The following RGS6 variants were observed in gnomAD, a reference collection of about 807,000 sequenced individuals.
RGS6 encodes regulator of G protein signaling 6.
A neutral mutation model predicts 78.5 loss-of-function variants in RGS6; 30 were observed. The ratio of observed to expected loss-of-function variants is 0.38; its 90% confidence interval spans 0.29 to 0.52. The LOEUF is 0.52. Ranked by LOEUF, RGS6 falls within the 20% of genes least tolerant of loss-of-function variation. RGS6 has a pLI of 0.85. For synonymous variants in RGS6, 206 were observed against 206.0 expected (o/e 1.00, Z 0.00); for missense variants, 495 against 609.7 (o/e 0.81, Z 1.98).
chr14:72,612,993 CGTGTGTGT>C, the RGS6 span, among the ~76,000 whole-genome samples: 578 of 148,782 alleles, frequency 3.9e-3, 1 homozygote, highest in East Asian at 7.1e-3. Flanking sequence ...TTAAGTAGGG[CGTGTGTGT>C]GTGTGTGTGT....
At chr14:72,114,429 A>G (rs967511796) in intron 2 of RGS6, among the ~76,000 whole-genome samples, 1 of 152,146 alleles carries the variant, frequency 6.6e-6, no homozygotes, top group African/African-American at 2.4e-5. Context: ...ATGGTAGTTG[A>G]TAATTTCTGA....
chr14:72,000,736 G>A (rs1267576414), intron 2 of RGS6, among the ~76,000 whole-genome samples: 1 of 152,160 alleles, frequency 6.6e-6, no homozygotes, highest in Non-Finnish European at 1.5e-5. Flanking sequence ...CAGGAATGTT[G>A]CATGCCACAG....
At chr14:72,263,792 A>G (rs929358535) in intron 2 of RGS6, among the ~76,000 whole-genome samples, 3 of 152,188 alleles carry the variant, frequency 2.0e-5, no homozygotes, top group African/African-American at 7.2e-5. Flanking sequence ...ACTGTGAGAA[A>G]CGAATGTCTG....
chr14:72,498,737 A>G (rs1447350870), intron 13 of RGS6, among the ~76,000 whole-genome samples: 2 of 152,056 alleles, frequency 1.3e-5, no homozygotes, highest in African/African-American at 4.8e-5. Flanking sequence ...ATACACGCAT[A>G]CTGGGGTGGC....
intron 2 of RGS6, among the ~76,000 whole-genome samples, chr14:72,185,738 G>A (rs1262876793): frequency 6.6e-6 from 1 of 152,176 alleles, no homozygotes; most frequent in Non-Finnish European, 1.5e-5. Flanking sequence ...GAGCCCAGGA[G>A]TTCCAAACCA....
intron 12 of RGS6, among the ~76,000 whole-genome samples, chr14:72,487,657 G>A (rs935792366): frequency 5.9e-5 from 9 of 152,170 alleles, no homozygotes; most frequent in African/African-American, 1.9e-4. Context: ...AGGAATGCAG[G>A]GAGCCTCTAG....
At chr14:72,539,103 G>A (rs1379734161) in intron 16 of RGS6, among the ~76,000 whole-genome samples, 3 of 152,132 alleles carry the variant, frequency 2.0e-5, no homozygotes, top group African/African-American at 4.8e-5. Context: ...CTACTCTCCC[G>A]GAACCCCTGC....
At chr14:71,955,318 C>A (rs1370044280) in intron 1 of RGS6, among the ~76,000 whole-genome samples, 1 of 152,068 alleles carries the variant, frequency 6.6e-6, no homozygotes, top group Admixed American at 6.6e-5. Flanking sequence ...GAATAACTTC[C>A]CTTTGGTAAA....
intron 2 of RGS6, among the ~76,000 whole-genome samples, chr14:71,991,527 T>A (rs1245989349): frequency 2.6e-5 from 4 of 152,030 alleles, no homozygotes; most frequent in Admixed American, 6.5e-5. Context: ...TCTTTTATAT[T>A]TTTTTTCTTG....
the RGS6 span, among the ~76,000 whole-genome samples, chr14:72,572,853 AAAAG>A: frequency 1.3e-5 from 2 of 152,274 alleles, no homozygotes; most frequent in East Asian, 1.9e-4. Flanking sequence ...AAAACAGAAA[AAAAG>A]AAAGAGAAGG....
chr14:72,483,781 T>C (rs1360248486), intron 12 of RGS6, among the ~76,000 whole-genome samples: 2 of 152,276 alleles, frequency 1.3e-5, no homozygotes, highest in East Asian at 3.9e-4. Flanking sequence ...ATATGGAATC[T>C]GTAGCATGTG....
intron 2 of RGS6, among the ~76,000 whole-genome samples, chr14:72,182,112 G>C (rs2097180278): frequency 6.6e-6 from 1 of 151,926 alleles, no homozygotes; most frequent in Admixed American, 6.6e-5. Flanking sequence ...CTTTTCTTTA[G>C]AAAATGTATA....
chr14:72,170,533 AAAG>A (rs1197060059), intron 2 of RGS6, among the ~76,000 whole-genome samples: 1 of 152,234 alleles, frequency 6.6e-6, no homozygotes, highest in African/African-American at 2.4e-5. Context: ...AGCCCAATTA[AAAG>A]AAGATACAGA....
chr14:72,385,352 G>A (rs1300705631), intron 3 of RGS6, among the ~76,000 whole-genome samples: 1 of 152,156 alleles, frequency 6.6e-6, no homozygotes, highest in Non-Finnish European at 1.5e-5. Flanking sequence ...ACACAAGGAA[G>A]AAAAGTTTTT....
chr14:72,574,097 C>T, the RGS6 span, among the ~76,000 whole-genome samples: 1 of 152,236 alleles, frequency 6.6e-6, no homozygotes, highest in Non-Finnish European at 1.5e-5. Flanking sequence ...CCCACACACA[C>T]ATACAACATC....
chr14:72,036,760 C>G (rs1483379175), intron 2 of RGS6, among the ~76,000 whole-genome samples: 1 of 152,054 alleles, frequency 6.6e-6, no homozygotes, highest in East Asian at 1.9e-4. Context: ...AATATTTTCT[C>G]CCAGTCTGTA....
the RGS6 span, among the ~76,000 whole-genome samples, chr14:72,583,572 C>G: frequency 2.6e-5 from 4 of 152,184 alleles, no homozygotes; most frequent in Non-Finnish European, 5.9e-5. Context: ...GTCTTCTGAG[C>G]TGGTGTTTGC....
chr14:72,413,709 G>T (rs977514153), intron 3 of RGS6, among the ~76,000 whole-genome samples: 2 of 152,192 alleles, frequency 1.3e-5, no homozygotes, highest in African/African-American at 2.4e-5. Context: ...TGGTACTGCG[G>T]TTGTTCCTTT....
chr14:72,219,749 C>T (rs28678452), intron 2 of RGS6, among the ~76,000 whole-genome samples: 2 of 151,868 alleles, frequency 1.3e-5, no homozygotes, highest in African/African-American at 4.8e-5. Context: ...GGTCTCCTGT[C>T]TTATTGTATC....
Sources: allele counts gnomAD v4.1 joint callset (sites outside exome capture counted in the v4.1 genomes callset), GRCh38; gene constraint gnomAD v4.1.1; transcripts MANE v1.5; gene names NCBI Gene and HGNC (gene_info 2026-07-23, HGNC 2026-07-21).